GALNT14: variants seen among roughly 807,000 people sequenced by gnomAD.
GALNT14 encodes the protein UDP-GalNAc:polypeptide N-acetylgalactosaminyltransferase 14.
GALNT14 carries 60 observed loss-of-function variants against 77.5 expected under a neutral mutation model. The observed-to-expected ratio is 0.77, with a 90% CI of 0.63 to 0.96. GALNT14 has a LOEUF of 0.96. GALNT14 is among the 40% of genes least tolerant of loss of function. The pLI is 0.00. For missense variants in GALNT14, 710 were observed against 731.0 expected (o/e 0.97, Z 0.33); for synonymous variants, 280 against 281.7 (o/e 0.99, Z 0.06).
At chr2:31,010,145 C>A (rs1448542391) in intron 1 of GALNT14, among the ~76,000 whole-genome samples, 1 of 152,222 alleles carries the variant, frequency 6.6e-6, no homozygotes, top group Non-Finnish European at 1.5e-5. Context: ...ACCACCACAT[C>A]TGCCTAATTT....
At chr2:30,964,191 T>C (rs1667858418) in intron 3 of GALNT14, among the ~76,000 whole-genome samples, 1 of 152,148 alleles carries the variant, frequency 6.6e-6, no homozygotes, top group Admixed American at 6.5e-5. Flanking sequence ...GCTGTTCTCA[T>C]GGAAACATCT....
chr2:31,028,060 C>T (rs770467225), intron 1 of GALNT14, among the ~76,000 whole-genome samples: 3 of 152,152 alleles, frequency 2.0e-5, no homozygotes, highest in Non-Finnish European at 4.4e-5. Context: ...TAAACCTTAA[C>T]CCCATCTTTA....
intron 1 of GALNT14, among the ~76,000 whole-genome samples, chr2:31,064,833 AACT>A (rs1674834466): frequency 6.6e-6 from 1 of 152,158 alleles, no homozygotes; most frequent in Middle Eastern, 3.4e-3. Flanking sequence ...TATATTTTAA[AACT>A]ACATAGCCAG....
intron 12 of GALNT14, 26 bp from the exon 13 acceptor site, chr2:30,924,289 G>A (rs1313495071): frequency 1.9e-6 from 3 of 1,613,022 alleles, no homozygotes; most frequent in Non-Finnish European, 1.7e-6. Flanking sequence ...AGGGAGAGAG[G>A]AGAGTCCACT....
intron 1 of GALNT14, among the ~76,000 whole-genome samples, chr2:31,105,582 C>A (rs557850582): frequency 2.4e-3 from 370 of 152,116 alleles, no homozygotes; most frequent in African/African-American, 8.6e-3. Context: ...AAAAATTAGC[C>A]AGGTGTGGTG....
intron 1 of GALNT14, among the ~76,000 whole-genome samples, chr2:31,080,979 C>A (rs1263938728): frequency 6.6e-6 from 1 of 152,170 alleles, no homozygotes; most frequent in Non-Finnish European, 1.5e-5. Flanking sequence ...GAGGTAAAAT[C>A]ATAAACTCAA....
At chr2:30,944,996 T>G (rs1558429083) in intron 7 of GALNT14, 54 bp from the exon 8 acceptor site, 1 of 1,461,012 alleles carries the variant, frequency 6.8e-7, no homozygotes, top group African/African-American at 1.4e-5. Context: ...ACTTGCTCAT[T>G]CTGCACCCTC....
At chr2:31,106,611 C>G (rs1490779640) in intron 1 of GALNT14, among the ~76,000 whole-genome samples, 1 of 152,154 alleles carries the variant, frequency 6.6e-6, no homozygotes, top group Non-Finnish European at 1.5e-5. Context: ...AAGCATTTAC[C>G]TCTGCAAGTT....
the GALNT14 span, among the ~76,000 whole-genome samples, chr2:30,897,318 G>A: frequency 6.6e-6 from 1 of 152,102 alleles, no homozygotes; most frequent in Non-Finnish European, 1.5e-5. Flanking sequence ...TCCTGCCCCC[G>A]GTTTGGCAAG....
At position 30,966,287 on chromosome 2, in the gene GALNT14, C is replaced by T. The variant is rs112083247; in HGVS notation, c.315G>A (p.Val105=). The T allele has an allele frequency of 3.2e-5, 51 of 1,613,760 alleles. No homozygotes were observed. In the African/African-American group the frequency reaches 5.7e-4, roughly 18 times the overall value. Residue 105 remains valine, a synonymous_variant, in exon 3 of 15, where the codon GTG becomes GTA. Transcript: ENST00000349752. ...DTRHLRCTLL[V]YCTDLPPTSI... Reference sequence around the variant, plus strand: ...TAGTGGGTGGAAGGTCCGTGCAATACACCAGCAGTGTGCATCTGGGGAAGG... The same window carrying T: ...TAGTGGGTGGAAGGTCCGTGCAATATACCAGCAGTGTGCATCTGGGGAAGG...
chr2:31,132,559 C>T (rs898774085), intron 1 of GALNT14: 2 of 377,882 alleles, frequency 5.3e-6, no homozygotes, highest in Non-Finnish European at 1.1e-5. Flanking sequence ...TCTGGTCATG[C>T]CAGAGTCACA....
intron 1 of GALNT14, among the ~76,000 whole-genome samples, chr2:31,057,407 A>T (rs1674302393): frequency 7.1e-6 from 1 of 140,066 alleles, no homozygotes; most frequent in Admixed American, 7.3e-5. Flanking sequence ...CAGCTGTTGC[A>T]GGTATATATA....
chr2:31,046,964 G>T (rs1673506478), intron 1 of GALNT14, among the ~76,000 whole-genome samples: 1 of 152,192 alleles, frequency 6.6e-6, no homozygotes, highest in African/African-American at 2.4e-5. Context: ...TACAGGTGGA[G>T]AAACTAAAGT....
intron 1 of GALNT14, among the ~76,000 whole-genome samples, chr2:31,018,530 C>T (rs1573172121): frequency 6.6e-6 from 1 of 152,276 alleles, no homozygotes; most frequent in East Asian, 1.9e-4. Flanking sequence ...ACACCGCCCC[C>T]GTGATCCAGT....
rs978273395 is a variant in GALNT14, at chr2:31,104,467, C to T, written c.129+33491G>A. ...ATAGTCACCATACAGCACTCCTTGT[C>T]AAAAAATCAACAATGATACAGCACA... On this transcript the variant is annotated intron_variant, in intron 1 of 14. Transcript: ENST00000349752. Among the ~76,000 whole-genome samples the T allele has an allele frequency of 1.6e-4, 25 of 152,116 alleles. 1 individual carries two copies. The highest frequency in any genetic ancestry group is 2.0e-4 in the Admixed American group (3 of 15,264).
chr2:31,118,977 G>C (rs1293549509), intron 1 of GALNT14, among the ~76,000 whole-genome samples: 2 of 152,010 alleles, frequency 1.3e-5, no homozygotes, highest in African/African-American at 2.4e-5. Flanking sequence ...GGAAGTGATG[G>C]CTTATTTAAT....
At chr2:30,951,986 A>G (rs1229474187) in intron 6 of GALNT14, among the ~76,000 whole-genome samples, 1 of 152,156 alleles carries the variant, frequency 6.6e-6, no homozygotes, top group Non-Finnish European at 1.5e-5. Context: ...TGTGCACTGC[A>G]CCGTGCCCTG....
chr2:31,097,867 G>C (rs1368039224), intron 1 of GALNT14, among the ~76,000 whole-genome samples: 2 of 152,102 alleles, frequency 1.3e-5, no homozygotes, highest in Non-Finnish European at 2.9e-5. Context: ...CAGAACCTCA[G>C]CTTCTAGTTC....
chr2:30,954,355 T>C (rs1227486489), intron 6 of GALNT14, among the ~76,000 whole-genome samples: 1 of 152,206 alleles, frequency 6.6e-6, no homozygotes, highest in Admixed American at 6.5e-5. Flanking sequence ...AGGAGATTTT[T>C]CTTCTTCCTC....
Sources: gnomAD v4.1 joint callset for allele counts (sites outside exome capture counted in the v4.1 genomes callset) on GRCh38, gnomAD v4.1.1 for gene constraint, MANE v1.5 for transcripts, NCBI Gene and HGNC (gene_info 2026-07-23, HGNC 2026-07-21) for gene names.